The following HMG20B variants were observed in gnomAD, a reference collection of about 807,000 sequenced individuals.
HMG20B encodes SWI/SNF-related matrix-associated actin-dependent regulator of chromatin subfamily E member 1-related.
Under a neutral mutation model 41.6 loss-of-function variants are expected in HMG20B, and 24 were observed. The observed-to-expected ratio is 0.58, with a 90% CI of 0.42 to 0.81. The LOEUF (loss-of-function observed/expected upper bound fraction) is 0.81. HMG20B is among the 30% of genes least tolerant of loss of function. HMG20B has a pLI of 0.00. For missense variants in HMG20B, 461 were observed against 444.0 expected, an observed-to-expected ratio of 1.04 and a Z score of -0.34; for synonymous variants, 251 against 186.6, an observed-to-expected ratio of 1.34 and a Z score of -2.81.
In HMG20B at chr19:3,574,570, A is replaced by G; in HGVS notation, c.335A>G (p.Gln112Arg). 1.9e-6 allele frequency: 3 copies of G among 1,600,362 alleles called. No homozygotes were observed. Among genetic ancestry groups the G allele is most frequent in the Middle Eastern group, 1.7e-4 (1 of 6,046 alleles). Residue 112 changes from glutamine (Q) to arginine (R), a missense_variant, in exon 4 of 10, where the codon CAG (glutamine) becomes CGG (arginine). Transcript: ENST00000333651. ...KMLGAEWSKL[Q>R]PTEKQRYLDE... Reference sequence around the variant, plus strand: ...CTGGGCGCCGAGTGGAGCAAGCTGCAGCCAACGGAAAAGCAGGTGGGCGGG... The same window carrying G: ...CTGGGCGCCGAGTGGAGCAAGCTGCGGCCAACGGAAAAGCAGGTGGGCGGG...
In HMG20B at chr19:3,576,215, C is replaced by A. The variant is rs1039419586; in HGVS notation, c.473-46C>A. The A allele has an allele frequency of 3.1e-6, 5 of 1,593,278 alleles. No individual in the cohort carries two copies. The African/African-American group carries it at 5.4e-5, about 17-fold the overall frequency. On this transcript the variant is annotated intron_variant, in intron 5 of 9. Transcript: ENST00000333651. The stretch of plus-strand genomic sequence containing the variant: ...CTGACCTAGGGTGCAGGGCGTGGTC[C>A]CTGGAGGCCTGGGAGGCTGACCCTG...
At position 3,578,706 on chromosome 19, in the gene HMG20B, C is replaced by A; in HGVS notation, c.*185C>A. 2.3e-6 allele frequency: 2 copies of A among 857,382 alleles called. No individual in the cohort carries two copies. The highest frequency in any genetic ancestry group is 2.6e-5 in the East Asian group (1 of 38,736). The allele number at this position is 857,382 out of a possible 1,614,324, so 53.1% of individuals were successfully genotyped here. The stretch of plus-strand genomic sequence containing the variant: ...TTTAGCTTTCAATCTCCCCAGCCCC[C>A]TGAACCCGGAAAAAGCACTCGCTGC... On this transcript the variant is annotated 3_prime_UTR_variant, in exon 10 of 10. Transcript: ENST00000333651.
chr19:3,578,975 G>A lies in HMG20B; in HGVS notation c.*454G>A. ...CTGTACCCCAGATGGGTGGGGGCCG[G>A]CTTTGCCCATCCTGCTCTCCTCCAG... On this transcript the variant is annotated 3_prime_UTR_variant, in exon 10 of 10. Coordinates refer to ENST00000333651, the MANE Select transcript of HMG20B (RefSeq NM_006339.3). The A allele has an allele frequency of 5.4e-6, 2 of 368,318 alleles. No individual in the cohort carries two copies. The highest frequency in any genetic ancestry group is 4.2e-5 in the South Asian group (2 of 48,110). The allele number at this position is 368,318 out of a possible 1,614,324, so 22.8% of individuals were successfully genotyped here.
Position 3,574,490 on chromosome 19 carries a change from C to T in HMG20B, c.255C>T (p.Arg85=). 6.2e-7 allele frequency: 1 copy of T among 1,607,544 alleles called. No homozygotes were observed. The highest frequency in any genetic ancestry group is 8.5e-7 in the Non-Finnish European group (1 of 1,177,918). The change falls in exon 4 of 10, where the codon CGC becomes CGT. Residue 85 remains arginine, a synonymous_variant. Coordinates refer to ENST00000333651, the MANE Select transcript of HMG20B (RefSeq NM_006339.3). ...ACGTGCGCTTCCTGAACGAGCGGCG[C>T]GAGCAGATCCGCACGCGCCACCCGG... is the stretch of plus-strand genomic sequence containing the variant. ...TGYVRFLNER[R]EQIRTRHPDL...
chr19:3,573,971 A>G (rs924368342), intron 3 of HMG20B, 171 bp downstream of exon 3: 8 of 721,070 alleles, frequency 1.1e-5, no homozygotes, highest in African/African-American at 1.8e-5. Flanking sequence ...GTCCTCTGCC[A>G]CTCTAAGTCC....
Position 3,573,296 on chromosome 19 carries a change from G to A in HMG20B, c.-14G>A, listed in dbSNP as rs1308338047. On this transcript the variant is annotated 5_prime_UTR_variant, in exon 2 of 10. Coordinates refer to ENST00000333651, the MANE Select transcript of HMG20B (RefSeq NM_006339.3). ...CCGCCCGCGTCCGTGTTCCAGGTCC[G>A]GCCCGGAGCGGCCATGTCCCACGGC... The A allele has an allele frequency of 5.9e-6, 9 of 1,522,690 alleles. No individual in the cohort carries two copies. In the Admixed American group the frequency reaches 1.4e-4, roughly 24 times the overall value. 94.3% of individuals were successfully genotyped at this position (1,522,690 alleles called of 1,614,324 possible). A position where few individuals can be genotyped will look rare whatever the true frequency, so the allele number is the denominator to read the frequency against.
At chr19:3,575,815 G>A in intron 5 of HMG20B, 155 bp downstream of exon 5, 1 of 619,224 alleles carries the variant, frequency 1.6e-6, no homozygotes, top group Non-Finnish European at 2.7e-6. Flanking sequence ...GTGGTGGCGG[G>A]TGCCTGTAAT....
chr19:3,578,230 C>A, intron 9 of HMG20B, 117 bp downstream of exon 9: 1 of 1,413,508 alleles, frequency 7.1e-7, no homozygotes, highest in Non-Finnish European at 9.6e-7. Flanking sequence ...CTAGAGATCA[C>A]CTCCCGGAGG....
chr19:3,574,690 T>A, intron 4 of HMG20B, 104 bp downstream of exon 4: 2 of 1,040,704 alleles, frequency 1.9e-6, no homozygotes, highest in Non-Finnish European at 2.7e-6. Context: ...TCCTTCTTCC[T>A]GGAGAAATGC....
At position 3,572,973 on chromosome 19, in the gene HMG20B, G is replaced by A; in HGVS notation, c.-40G>A. ...GGTTGGAGCGTCGCGCAGTCGGGAG[G>A]TCCGGGAAAGTTTCTTTGGAGGTGA... On this transcript the variant is annotated 5_prime_UTR_variant, in exon 1 of 10. Coordinates refer to ENST00000333651, the MANE Select transcript of HMG20B (RefSeq NM_006339.3). 3.3e-6 allele frequency: 1 copy of A among 298,786 alleles called. No homozygotes were observed. The highest frequency in any genetic ancestry group is 6.3e-6 in the Non-Finnish European group (1 of 159,650). The allele number at this position is 298,786 out of a possible 1,614,324, so 18.5% of individuals were successfully genotyped here.
chr19:3,573,565 C>T (rs571736923), intron 2 of HMG20B, 127 bp from the exon 3 acceptor site: 4 of 963,258 alleles, frequency 4.2e-6, no homozygotes, highest in Non-Finnish European at 5.9e-6. Context: ...CCCCATCAGA[C>T]CCTGCCTCCT....
intron 3 of HMG20B, 30 bp from the exon 4 acceptor site, chr19:3,574,353 C>G: frequency 1.9e-6 from 3 of 1,554,006 alleles, no homozygotes; most frequent in Non-Finnish European, 8.7e-7. Context: ...CGCCAGGCCC[C>G]CCTCCCAACG....
intron 3 of HMG20B, chr19:3,574,024 GT>G: frequency 1.5e-6 from 1 of 680,438 alleles, no homozygotes; most frequent in East Asian, 2.7e-5. Context: ...CCACTCTAAG[GT>G]CCCGCCCACT....
chr19:3,576,367 C>T (rs1006297787), intron 6 of HMG20B, 60 bp downstream of exon 6: 20 of 1,556,186 alleles, frequency 1.3e-5, no homozygotes, highest in African/African-American at 2.7e-5. Flanking sequence ...GCTTCTAGAA[C>T]CCTGAGTCAG....
At chr19:3,576,778 G>C in intron 7 of HMG20B, 114 bp from the exon 8 acceptor site, 1 of 1,308,332 alleles carries the variant, frequency 7.6e-7, no homozygotes, top group Non-Finnish European at 1.1e-6. Flanking sequence ...CTGATGTGGA[G>C]CAGGAGGCAG....
rs146096733 is a variant in HMG20B at position 3,576,024 on chromosome 19, C to T, written c.473-237C>T. The T allele has an allele frequency of 5.1e-3, 2,980 of 584,166 alleles. 22 individuals carry two copies. Among genetic ancestry groups the T allele is most frequent in the South Asian group, 0.016 (763 of 48,220 alleles). 36.2% of individuals were successfully genotyped at this position (584,166 alleles called of 1,614,324 possible). A position where few individuals can be genotyped will look rare whatever the true frequency, so the allele number is the denominator to read the frequency against. On this transcript the variant is annotated intron_variant, in intron 5 of 9. Transcript: ENST00000333651. ...AGTTGGGGTCCTGCTCTGTGGGGTGCGACCTCAGCCCAGGCAGGGCCTCCC... is the reference window on the plus strand; with the variant it reads ...AGTTGGGGTCCTGCTCTGTGGGGTGTGACCTCAGCCCAGGCAGGGCCTCCC...
At position 3,577,841 on chromosome 19, in the gene HMG20B, T is replaced by G. The variant is rs2032204866; in HGVS notation, c.809-140T>G. 6.8e-5 allele frequency: 49 copies of G among 720,544 alleles called. 2 individuals carry two copies. The South Asian group carries it at 9.4e-4, about 14-fold the overall frequency. 44.6% of individuals were successfully genotyped at this position (720,544 alleles called of 1,614,324 possible). A position where few individuals can be genotyped will look rare whatever the true frequency, so the allele number is the denominator to read the frequency against. On this transcript the variant is annotated intron_variant, in intron 8 of 9. Coordinates refer to ENST00000333651, the MANE Select transcript of HMG20B (RefSeq NM_006339.3). The stretch of plus-strand genomic sequence containing the variant: ...TGCCCCGGCTTACCTTAGCCCACCC[T>G]GCGCCGCTCCTGCGCTGGCGGTGTC...
At chr19:3,574,332 C>T (rs989868190) in intron 3 of HMG20B, 51 bp from the exon 4 acceptor site, 88 of 1,520,312 alleles carry the variant, frequency 5.8e-5, no homozygotes, top group Admixed American at 5.9e-5. Context: ...CCTCTGAGCC[C>T]TGCCCCAGTA....
intron 5 of HMG20B, 52 bp downstream of exon 5, chr19:3,575,712 A>G: frequency 6.7e-7 from 1 of 1,499,282 alleles, no homozygotes; most frequent in Non-Finnish European, 9.0e-7. Flanking sequence ...GCACTTTGGG[A>G]GGCCGAGGCG....
Sources: allele counts gnomAD v4.1 joint callset, GRCh38; gene constraint gnomAD v4.1.1; transcripts MANE v1.5; gene names NCBI Gene and HGNC (gene_info 2026-07-23, HGNC 2026-07-21).